Variants in ARMH4 observed in about 807,000 individuals in gnomAD.
ARMH4 encodes the protein armadillo like helical domain containing 4, also known as armadillo-like helical domain-containing protein 4.
Under a neutral mutation model 61.9 loss-of-function variants are expected in ARMH4, and 49 were observed. That is an observed-to-expected ratio of 0.79 (90% confidence interval 0.63 to 1.00). The LOEUF (loss-of-function observed/expected upper bound fraction) is 1.00. Ranked by LOEUF, ARMH4 falls within the 50% of genes least tolerant of loss-of-function variation. The pLI is 0.00. For missense variants in ARMH4, 934 were observed against 930.0 expected, an observed-to-expected ratio of 1.00 and a Z score of -0.06; for synonymous variants, 368 against 341.5, an observed-to-expected ratio of 1.08 and a Z score of -0.85.
At chr14:58,125,193 T>C (rs933157804) in intron 4 of ARMH4, among the ~76,000 whole-genome samples, 1 of 152,024 alleles carries the variant, frequency 6.6e-6, no homozygotes, top group African/African-American at 2.4e-5. Context: ...GAAATGCTTA[T>C]AGAAGGACCC....
At chr14:58,054,882 A>AAT (rs1555338491) in intron 5 of ARMH4, among the ~76,000 whole-genome samples, 9 of 144,438 alleles carry the variant, frequency 6.2e-5, no homozygotes, top group African/African-American at 2.3e-4. Context: ...AAAAAAAAAA[A>AAT]AAATAATAAT....
At chr14:58,066,475 G>A (rs1229637135) in intron 5 of ARMH4, among the ~76,000 whole-genome samples, 1 of 152,164 alleles carries the variant, frequency 6.6e-6, no homozygotes, top group Non-Finnish European at 1.5e-5. Context: ...AATTGTCTTG[G>A]AGATGGATAG....
At chr14:58,113,793 GC>G (rs895626775) in intron 4 of ARMH4, among the ~76,000 whole-genome samples, 8 of 151,234 alleles carry the variant, frequency 5.3e-5, no homozygotes, top group African/African-American at 1.9e-4. Flanking sequence ...TGTCATTGAG[GC>G]TTTTTTCCCA....
At chr14:58,128,761 A>G (rs141753632) in intron 4 of ARMH4, among the ~76,000 whole-genome samples, 11 of 152,326 alleles carry the variant, frequency 7.2e-5, no homozygotes, top group Admixed American at 1.3e-4. Flanking sequence ...CAAACTCTTC[A>G]GAAGCAGACC....
intron 4 of ARMH4, among the ~76,000 whole-genome samples, chr14:58,124,484 G>C (rs1264650749): frequency 6.6e-6 from 1 of 152,182 alleles, no homozygotes; most frequent in African/African-American, 2.4e-5. Context: ...AGATTTTATT[G>C]TGTGGACATC....
chr14:58,137,618 G>A (rs1229628379), intron 2 of ARMH4, among the ~76,000 whole-genome samples: 3 of 152,114 alleles, frequency 2.0e-5, no homozygotes, highest in South Asian at 2.1e-4. Context: ...GGCTGGTCTC[G>A]AACTCCTGAC....
Position 58,022,308 on chromosome 14 carries a change from A to C in ARMH4, c.2090-10158T>G, listed in dbSNP as rs1258255225. Among the ~76,000 whole-genome samples, 4 of 151,882 alleles carry C rather than the reference A, an allele frequency of 2.6e-5. No homozygotes were observed. In the East Asian group the frequency reaches 5.8e-4, roughly 22 times the overall value. On this transcript the variant is annotated intron_variant, in intron 5 of 7. Transcript: ENST00000267485. ...TTCTTCTCTGACTCTAACCCTCCTA[A>C]TTCTCTCTCAGAAAGACCGTTGTGA... is the stretch of plus-strand genomic sequence containing the variant.
intron 6 of ARMH4, among the ~76,000 whole-genome samples, chr14:58,009,342 T>C (rs1238512611): frequency 2.0e-5 from 3 of 152,124 alleles, no homozygotes; most frequent in Non-Finnish European, 2.9e-5. Context: ...TCCCCCTTTT[T>C]CCTCCTTCCT....
At chr14:58,011,471 G>C (rs186430710) in intron 6 of ARMH4, among the ~76,000 whole-genome samples, 2 of 152,042 alleles carry the variant, frequency 1.3e-5, no homozygotes, top group African/African-American at 4.8e-5. Flanking sequence ...TGTAATAATG[G>C]GACCTGACAC....
At chr14:58,031,611 T>A (rs1384791045) in intron 5 of ARMH4, among the ~76,000 whole-genome samples, 1 of 152,178 alleles carries the variant, frequency 6.6e-6, no homozygotes, top group Admixed American at 6.5e-5. Flanking sequence ...AGAGAGGAAC[T>A]TGCAACAGAC....
At chr14:58,028,336 T>C (rs566081919) in intron 5 of ARMH4, among the ~76,000 whole-genome samples, 1 of 152,336 alleles carries the variant, frequency 6.6e-6, no homozygotes, top group South Asian at 2.1e-4. Context: ...CTTGTTTGCT[T>C]GTGCTGAGTA....
intron 1 of ARMH4, among the ~76,000 whole-genome samples, chr14:58,148,296 C>T (rs547168888): frequency 4.1e-4 from 63 of 152,280 alleles, no homozygotes; most frequent in Non-Finnish European, 7.9e-4. Context: ...CCACCCACCT[C>T]GGCCTCCCAA....
chr14:58,006,065 G>C (rs1212477085), intron 6 of ARMH4, among the ~76,000 whole-genome samples: 1 of 152,146 alleles, frequency 6.6e-6, no homozygotes, highest in African/African-American at 2.4e-5. Context: ...TTTATCCTCA[G>C]AGAGCAGGAT....
chr14:58,122,331 T>G (rs967419142), intron 4 of ARMH4, among the ~76,000 whole-genome samples: 1 of 152,188 alleles, frequency 6.6e-6, no homozygotes, highest in African/African-American at 2.4e-5. Context: ...AAGAAGCCTA[T>G]GAATTATTCA....
intron 2 of ARMH4, 29 bp from the exon 3 acceptor site, chr14:58,133,370 G>A (rs1466542423): frequency 2.7e-6 from 4 of 1,464,246 alleles, no homozygotes; most frequent in South Asian, 2.5e-5. Flanking sequence ...TTTAAAAATA[G>A]ACCAAATCCC....
intron 5 of ARMH4, among the ~76,000 whole-genome samples, chr14:58,044,780 C>A (rs1195223383): frequency 6.6e-6 from 1 of 151,930 alleles, no homozygotes. Flanking sequence ...AAAAAAACAA[C>A]CCCATCAAAA....
intron 4 of ARMH4, among the ~76,000 whole-genome samples, chr14:58,121,936 C>G (rs757558888): frequency 1.3e-5 from 2 of 152,108 alleles, no homozygotes; most frequent in Non-Finnish European, 2.9e-5. Context: ...ACAGAACAGG[C>G]AACTGGGGGA....
At chr14:58,123,515 G>A (rs1040607109) in intron 4 of ARMH4, among the ~76,000 whole-genome samples, 1 of 152,106 alleles carries the variant, frequency 6.6e-6, no homozygotes, top group African/African-American at 2.4e-5. Context: ...GACAGTGGAG[G>A]TTAGTGCAAG....
intron 5 of ARMH4, among the ~76,000 whole-genome samples, chr14:58,048,279 T>G (rs975414851): frequency 6.6e-6 from 1 of 152,230 alleles, no homozygotes; most frequent in Non-Finnish European, 1.5e-5. Flanking sequence ...CTATAAATGA[T>G]CTTTACTAAC....
Sources: allele counts gnomAD v4.1 joint callset (sites outside exome capture counted in the v4.1 genomes callset), GRCh38; gene constraint gnomAD v4.1.1; transcripts MANE v1.5; gene names NCBI Gene and HGNC (gene_info 2026-07-23, HGNC 2026-07-21).